The following KCNK10 variants were observed in gnomAD, a reference collection of about 807,000 sequenced individuals.
The protein encoded by KCNK10 is potassium channel subfamily K member 10.
In KCNK10, 25 loss-of-function variants were observed where a neutral mutation model predicts 47.7. The ratio of observed to expected loss-of-function variants is 0.52; its 90% confidence interval spans 0.38 to 0.73. KCNK10 has a LOEUF of 0.73. Ranked by LOEUF, KCNK10 falls within the 30% of genes least tolerant of loss-of-function variation. The pLI, the probability that KCNK10 is intolerant of heterozygous loss-of-function variation, is 0.00. For synonymous variants in KCNK10, 303 were observed against 285.6 expected, an observed-to-expected ratio of 1.06 and a Z score of -0.61; for missense variants, 563 against 714.5, an observed-to-expected ratio of 0.79 and a Z score of 2.42.
At chr14:88,242,984 T>C (rs1886525147) in intron 2 of KCNK10, among the ~76,000 whole-genome samples, 1 of 152,152 alleles carries the variant, frequency 6.6e-6, no homozygotes, top group African/African-American at 2.4e-5. Context: ...GTGCTGAGAA[T>C]TGCACACAAA....
chr14:88,264,101 T>C (rs1887191880), intron 1 of KCNK10, among the ~76,000 whole-genome samples: 1 of 152,252 alleles, frequency 6.6e-6, no homozygotes, highest in Non-Finnish European at 1.5e-5. Context: ...TAATAGAAGA[T>C]GTGACTTAGG....
At chr14:88,269,006 C>T (rs1473643781) in intron 1 of KCNK10, among the ~76,000 whole-genome samples, 2 of 152,130 alleles carry the variant, frequency 1.3e-5, no homozygotes, top group Non-Finnish European at 2.9e-5. Flanking sequence ...GGTATGGTGG[C>T]ATGCACCTGT....
chr14:88,228,366 A>G (rs1055427977), intron 3 of KCNK10, among the ~76,000 whole-genome samples: 3 of 152,228 alleles, frequency 2.0e-5, no homozygotes, highest in Non-Finnish European at 4.4e-5. Context: ...CTTATGTACA[A>G]TGAGTACTGG....
chr14:88,208,611 T>C (rs776120646), intron 4 of KCNK10, among the ~76,000 whole-genome samples: 6 of 152,230 alleles, frequency 3.9e-5, no homozygotes, highest in African/African-American at 7.2e-5. Context: ...ATTTTAAATG[T>C]TGATACTTGC....
rs1337646885 is a variant in KCNK10 at position 88,240,900 on chromosome 14, A to AATACATTATTCCC, written c.403-93_403-81dup. 1.2e-5 allele frequency: 10 copies of AATACATTATTCCC among 852,998 alleles called. No individual in the cohort carries two copies. The Admixed American group carries it at 1.5e-4, about 13-fold the overall frequency. The allele number at this position is 852,998 out of a possible 1,614,324, so 52.8% of individuals were successfully genotyped here. ...TTTCTTCAAAAAAAAAAAAGGTTCC[A>AATACATTATTCCC]ATACATTATTCCCCTACTCAAGAAC... On this transcript the variant is annotated intron_variant, in intron 2 of 6. Transcript: ENST00000319231.
rs990219913 is a variant in KCNK10, at chr14:88,181,745, A to G, written c.*3790T>C. ...GAGACTAAGCTCTCACCTTAACCTA[A>G]AATGGGCAAGACAATTAATTAGTCA... On this transcript the variant is annotated 3_prime_UTR_variant, in exon 7 of 7. Transcript: ENST00000319231. 2 of 152,224 alleles carry G rather than the reference A, an allele frequency of 1.3e-5. No individual in the cohort carries two copies. Among genetic ancestry groups the G allele is most frequent in the Non-Finnish European group, 2.9e-5 (2 of 68,008 alleles). 9.4% of individuals were successfully genotyped at this position (152,224 alleles called of 1,614,324 possible).
chr14:88,323,414 G>C (rs1467351287), upstream of KCNK10, among the ~76,000 whole-genome samples: 1 of 146,930 alleles, frequency 6.8e-6, no homozygotes, highest in Non-Finnish European at 1.5e-5. Context: ...GGCAGCGCGC[G>C]GCGAGGGCGA....
At chr14:88,302,293 G>A (rs1052853633) in intron 1 of KCNK10, among the ~76,000 whole-genome samples, 5 of 152,198 alleles carry the variant, frequency 3.3e-5, no homozygotes, top group African/African-American at 1.2e-4. Context: ...AGATCACTCA[G>A]GAGAACCTAC....
chr14:88,208,213 C>G (rs531340289), intron 4 of KCNK10, among the ~76,000 whole-genome samples: 1 of 152,286 alleles, frequency 6.6e-6, no homozygotes, highest in Non-Finnish European at 1.5e-5. Context: ...TTTCTAGAAA[C>G]ATCATTAAAG....
chr14:88,252,859 G>A (rs1261297468), intron 2 of KCNK10, among the ~76,000 whole-genome samples: 13 of 152,206 alleles, frequency 8.5e-5, no homozygotes, highest in Admixed American at 8.5e-4. Flanking sequence ...TGCGTTAGAA[G>A]GCAAGCACTA....
intron 4 of KCNK10, among the ~76,000 whole-genome samples, chr14:88,197,982 T>A (rs996085919): frequency 6.6e-6 from 1 of 152,242 alleles, no homozygotes; most frequent in South Asian, 2.1e-4. Flanking sequence ...AAGGTCTTTG[T>A]GGCACTGTCC....
At chr14:88,231,680 G>A (rs1229341026) in intron 3 of KCNK10, among the ~76,000 whole-genome samples, 1 of 152,228 alleles carries the variant, frequency 6.6e-6, no homozygotes, top group African/African-American at 2.4e-5. Context: ...CGTTGAATTA[G>A]TTACTGAGAA....
chr14:88,200,116 T>C (rs1885057515), intron 4 of KCNK10, among the ~76,000 whole-genome samples: 1 of 152,044 alleles, frequency 6.6e-6, no homozygotes, highest in African/African-American at 2.4e-5. Context: ...TTTCTTTCCA[T>C]ATTTATCTCT....
upstream of KCNK10, among the ~76,000 whole-genome samples, chr14:88,324,092 G>C (rs570268029): frequency 3.3e-5 from 5 of 152,350 alleles, no homozygotes; most frequent in Admixed American, 6.5e-5. Flanking sequence ...AGGCACGGGG[G>C]CCCCCGGAGG....
chr14:88,199,287 C>A (rs1885025878), intron 4 of KCNK10, among the ~76,000 whole-genome samples: 1 of 152,162 alleles, frequency 6.6e-6, no homozygotes, highest in Admixed American at 6.5e-5. Flanking sequence ...GAGGTGAAAT[C>A]CTCTGGTGTT....
chr14:88,241,662 C>A (rs1349255652), intron 2 of KCNK10, among the ~76,000 whole-genome samples: 1 of 152,184 alleles, frequency 6.6e-6, no homozygotes, highest in African/African-American at 2.4e-5. Context: ...CTGGGCAGGA[C>A]ACTCCATGAC....
Position 88,209,662 on chromosome 14 carries a change from C to G in KCNK10, c.682-17252G>C, listed in dbSNP as rs139953208. ...TGGGTTTCTTTCTCTCTGTCGCTAC[C>G]CTTTCTGGGGCCCCCTCCACTTCTC... is the stretch of plus-strand genomic sequence containing the variant. On this transcript the variant is annotated intron_variant, in intron 4 of 6. Transcript: ENST00000319231. Among the ~76,000 whole-genome samples the G allele has an allele frequency of 3.5e-3, 531 of 152,288 alleles. 4 individuals are homozygous for G. The highest frequency in any genetic ancestry group is 0.012 in the African/African-American group (506 of 41,570).
At chr14:88,290,890 T>C (rs1212516460) in intron 1 of KCNK10, among the ~76,000 whole-genome samples, 3 of 152,164 alleles carry the variant, frequency 2.0e-5, no homozygotes, top group Non-Finnish European at 4.4e-5. Flanking sequence ...CCATGCAAGT[T>C]GTGCAGAAGC....
intron 4 of KCNK10, among the ~76,000 whole-genome samples, chr14:88,212,951 C>T (rs1444493566): frequency 2.0e-5 from 3 of 152,212 alleles, no homozygotes; most frequent in Non-Finnish European, 4.4e-5. Context: ...ACATGCTTGT[C>T]ACACTGTCAC....
Sources: gnomAD v4.1 joint callset for allele counts (sites outside exome capture counted in the v4.1 genomes callset) on GRCh38, gnomAD v4.1.1 for gene constraint, MANE v1.5 for transcripts, NCBI Gene and HGNC (gene_info 2026-07-23, HGNC 2026-07-21) for gene names.